GRIN2A: variants seen among roughly 807,000 people sequenced by gnomAD.
GRIN2A encodes the protein glutamate ionotropic receptor NMDA type subunit 2A.
GRIN2A carries 22 observed loss-of-function variants against 113.4 expected under a neutral mutation model. The observed-to-expected ratio is 0.19, with a 90% CI of 0.14 to 0.28. GRIN2A has a LOEUF of 0.28. Ranked by LOEUF, GRIN2A falls within the 10% of genes least tolerant of loss-of-function variation. The pLI is 1.00. For missense variants in GRIN2A, 1,502 were observed against 1,887.0 expected (o/e 0.80, Z 3.78); for synonymous variants, 827 against 738.4 (o/e 1.12, Z -1.94).
chr16:10,043,676 C>T (rs917307466), intron 2 of GRIN2A, among the ~76,000 whole-genome samples: 1 of 152,146 alleles, frequency 6.6e-6, no homozygotes, highest in Non-Finnish European at 1.5e-5. Flanking sequence ...CAGAACCACA[C>T]AGCTTAGTGC....
Position 9,932,274 on chromosome 16 carries a change from T to TAAATG in GRIN2A, c.1007+5684_1007+5685insCATTT, listed in dbSNP as rs202077375. Among the ~76,000 whole-genome samples, 1,401 of 152,354 alleles carry TAAATG rather than the reference T, an allele frequency of 9.2e-3. 16 individuals carry two copies. Among genetic ancestry groups the TAAATG allele is most frequent in the African/African-American group, 0.032 (1,336 of 41,582 alleles). On this transcript the variant is annotated intron_variant, in intron 3 of 12. Coordinates refer to ENST00000330684, the MANE Select transcript of GRIN2A (RefSeq NM_001134407.3). Reference sequence around the variant, plus strand: ...CTATGAATAATTGGTGCTTAGCTTATGTAAGACACCAAAGACATTTTTTGA... The same window carrying TAAATG: ...CTATGAATAATTGGTGCTTAGCTTATAAATGGTAAGACACCAAAGACATTTTTTGA...
intron 11 of GRIN2A, among the ~76,000 whole-genome samples, chr16:9,787,983 C>T (rs1902334408): frequency 1.3e-5 from 2 of 152,178 alleles, no homozygotes. Flanking sequence ...AGGAGTGAGT[C>T]ATCTGGTGGT....
intron 2 of GRIN2A, among the ~76,000 whole-genome samples, chr16:9,949,402 A>G (rs1180098464): frequency 2.0e-5 from 3 of 151,768 alleles, no homozygotes; most frequent in Non-Finnish European, 4.4e-5. Context: ...GGATGGTCAA[A>G]TAGGACAAAT....
At chr16:9,860,418 A>T (rs1006883355) in intron 4 of GRIN2A, among the ~76,000 whole-genome samples, 2 of 135,094 alleles carry the variant, frequency 1.5e-5, no homozygotes, top group African/African-American at 2.9e-5. Context: ...ACTGCACTCC[A>T]GCCTGGGTGA....
chr16:9,981,430 T>C (rs1015915874), intron 2 of GRIN2A, among the ~76,000 whole-genome samples: 5 of 152,142 alleles, frequency 3.3e-5, no homozygotes, highest in Non-Finnish European at 2.9e-5. Context: ...ACAGAAAAAA[T>C]AGTATAACAA....
At chr16:9,992,929 A>C (rs995393211) in intron 2 of GRIN2A, among the ~76,000 whole-genome samples, 1 of 152,200 alleles carries the variant, frequency 6.6e-6, no homozygotes, top group Non-Finnish European at 1.5e-5. Context: ...AATAAGATAA[A>C]ATAAGGCCGG....
intron 2 of GRIN2A, chr16:10,179,736 G>C (rs1006560411): frequency 3.8e-6 from 2 of 531,884 alleles, no homozygotes; most frequent in Non-Finnish European, 6.9e-6. Context: ...CTACTTCTCA[G>C]TTTTCTGAGC....
intron 2 of GRIN2A, among the ~76,000 whole-genome samples, chr16:10,043,880 T>C (rs917068806): frequency 6.6e-6 from 1 of 151,170 alleles, no homozygotes; most frequent in Non-Finnish European, 1.5e-5. Flanking sequence ...TACATATACA[T>C]ACACACACAT....
chr16:9,769,754 C>T (rs1456636566), intron 11 of GRIN2A, among the ~76,000 whole-genome samples: 1 of 152,150 alleles, frequency 6.6e-6, no homozygotes, highest in Non-Finnish European at 1.5e-5. Flanking sequence ...AGTAAGTTTT[C>T]ATAAGCAGTA....
chr16:10,148,465 C>A (rs1290173300), intron 2 of GRIN2A, among the ~76,000 whole-genome samples: 1 of 152,106 alleles, frequency 6.6e-6, no homozygotes, highest in African/African-American at 2.4e-5. Context: ...TATCTAAATG[C>A]CGACAGCTGC....
At chr16:10,170,390 C>G (rs933204920) in intron 2 of GRIN2A, among the ~76,000 whole-genome samples, 7 of 152,152 alleles carry the variant, frequency 4.6e-5, no homozygotes, top group South Asian at 2.1e-4. Context: ...TAAATAGGTT[C>G]TAGAGACCTA....
intron 2 of GRIN2A, among the ~76,000 whole-genome samples, chr16:10,160,652 A>G (rs1212413820): frequency 6.6e-6 from 1 of 152,214 alleles, no homozygotes; most frequent in Non-Finnish European, 1.5e-5. Flanking sequence ...TGGCTGTTTT[A>G]ATGAATTCTT....
intron 2 of GRIN2A, among the ~76,000 whole-genome samples, chr16:9,942,267 T>A (rs2044899361): frequency 6.6e-6 from 1 of 152,110 alleles, no homozygotes; most frequent in Non-Finnish European, 1.5e-5. Context: ...CCATGTTAAG[T>A]TCAGACTCCC....
intron 4 of GRIN2A, among the ~76,000 whole-genome samples, chr16:9,880,633 C>T (rs1457256812): frequency 6.6e-6 from 1 of 152,168 alleles, no homozygotes. Flanking sequence ...GGAGACCATT[C>T]TAAGAATTCT....
chr16:9,774,427 G>A (rs953895176), intron 11 of GRIN2A, among the ~76,000 whole-genome samples: 2 of 152,144 alleles, frequency 1.3e-5, no homozygotes, highest in African/African-American at 4.8e-5. Context: ...TGAGTCAGAC[G>A]GCCTGCATTA....
At chr16:9,767,326 A>G (rs1193148074) in intron 12 of GRIN2A, among the ~76,000 whole-genome samples, 5 of 152,268 alleles carry the variant, frequency 3.3e-5, no homozygotes, top group African/African-American at 4.8e-5. Flanking sequence ...AGCAAATGTT[A>G]AGAATATACA....
chr16:10,017,285 G>C lies in GRIN2A; in HGVS notation c.415-78734C>G, dbSNP rs117872516. Among the ~76,000 whole-genome samples, 4 of 152,102 alleles carry C rather than the reference G, an allele frequency of 2.6e-5. No homozygotes were observed. In the East Asian group the frequency reaches 7.7e-4, roughly 29 times the overall value. On this transcript the variant is annotated intron_variant, in intron 2 of 12. Coordinates refer to ENST00000330684, the MANE Select transcript of GRIN2A (RefSeq NM_001134407.3). Reference sequence around the variant, plus strand: ...TAAGATAATCATTACACGATTAATAGATAATCATTACACGTTGTTAAGTGC... The same window carrying C: ...TAAGATAATCATTACACGATTAATACATAATCATTACACGTTGTTAAGTGC...
chr16:10,087,066 T>C (rs960102225), intron 2 of GRIN2A, among the ~76,000 whole-genome samples: 1 of 152,188 alleles, frequency 6.6e-6, no homozygotes, highest in East Asian at 1.9e-4. Flanking sequence ...TGGAAGTCGA[T>C]GAATGCAGTG....
At chr16:10,136,463 G>A (rs1465391071) in intron 2 of GRIN2A, among the ~76,000 whole-genome samples, 1 of 152,148 alleles carries the variant, frequency 6.6e-6, no homozygotes. Flanking sequence ...AATTTAGGAT[G>A]CAAGAGGCAT....
Sources: allele counts gnomAD v4.1 joint callset (sites outside exome capture counted in the v4.1 genomes callset), GRCh38; gene constraint gnomAD v4.1.1; transcripts MANE v1.5; gene names NCBI Gene and HGNC (gene_info 2026-07-23, HGNC 2026-07-21).